The following ROR2 variants were observed in gnomAD, a reference collection of about 807,000 sequenced individuals.
ROR2 encodes tyrosine-protein kinase transmembrane receptor ROR2.
ROR2 carries 33 observed loss-of-function variants against 74.9 expected under a neutral mutation model. That is an observed-to-expected ratio of 0.44 (90% CI 0.33 to 0.59). The LOEUF (loss-of-function observed/expected upper bound fraction) is 0.59. Ranked by LOEUF, ROR2 falls within the 20% of genes least tolerant of loss-of-function variation. ROR2 has a pLI of 0.02. For missense variants in ROR2, 1,216 were observed against 1,313.8 expected, an observed-to-expected ratio of 0.93 and a Z score of 1.15; for synonymous variants, 586 against 558.7, an observed-to-expected ratio of 1.05 and a Z score of -0.69.
intron 1 of ROR2, among the ~76,000 whole-genome samples, chr9:91,826,917 G>T (rs1212984245): frequency 6.6e-6 from 1 of 152,212 alleles, no homozygotes; most frequent in East Asian, 1.9e-4. Context: ...TTATTAAAAT[G>T]CAAGTCAGCT....
chr9:91,788,258 C>T (rs1249845070), intron 1 of ROR2, among the ~76,000 whole-genome samples: 1 of 151,130 alleles, frequency 6.6e-6, no homozygotes, highest in Non-Finnish European at 1.5e-5. Flanking sequence ...TAATAGGAGT[C>T]CAGTAAGAGA....
At chr9:91,830,809 C>CGT (rs34963566) in intron 1 of ROR2, among the ~76,000 whole-genome samples, 17,492 of 139,486 alleles carry the variant, frequency 0.13, 1,145 homozygotes, top group East Asian at 0.19. Flanking sequence ...TAACTGTGTC[C>CGT]GTGTGTGTGT....
intron 1 of ROR2, among the ~76,000 whole-genome samples, chr9:91,861,971 T>C (rs1373685967): frequency 1.3e-5 from 2 of 152,046 alleles, no homozygotes; most frequent in African/African-American, 4.8e-5. Flanking sequence ...TGGAAGTCAT[T>C]AGGTTTTAGA....
At chr9:91,855,300 G>C (rs557223215) in intron 1 of ROR2, among the ~76,000 whole-genome samples, 4 of 152,310 alleles carry the variant, frequency 2.6e-5, no homozygotes, top group Admixed American at 2.6e-4. Flanking sequence ...AGAAAGCCCA[G>C]GCCCTGCAAC....
At chr9:91,866,490 T>A (rs1335567140) in intron 1 of ROR2, among the ~76,000 whole-genome samples, 1 of 146,316 alleles carries the variant, frequency 6.8e-6, no homozygotes, top group East Asian at 2.0e-4. Context: ...TGATCTTGGC[T>A]CACTGCAACC....
intron 8 of ROR2, among the ~76,000 whole-genome samples, chr9:91,726,312 G>C (rs1349286989): frequency 6.6e-6 from 1 of 152,104 alleles, no homozygotes; most frequent in Non-Finnish European, 1.5e-5. Context: ...GGCAGAAGGA[G>C]GCCCATGGAC....
intron 1 of ROR2, among the ~76,000 whole-genome samples, chr9:91,810,057 C>T (rs2841693): frequency 0.025 from 3,753 of 152,344 alleles, 90 homozygotes; most frequent in South Asian, 0.044. Flanking sequence ...CCCCCAGTCC[C>T]GCCCTTCAGA....
intron 1 of ROR2, among the ~76,000 whole-genome samples, chr9:91,779,368 CTTTTTT>C (rs57414414): frequency 0.25 from 33,403 of 133,676 alleles, 4,039 homozygotes; most frequent in Middle Eastern, 0.37. Flanking sequence ...TTATACTTTT[CTTTTTT>C]TTTTTTTTTT....
intron 7 of ROR2, among the ~76,000 whole-genome samples, chr9:91,727,318 C>T (rs190294939): frequency 2.3e-4 from 35 of 152,178 alleles, no homozygotes; most frequent in African/African-American, 8.2e-4. Context: ...TGCTCTTGAC[C>T]CAATACAATA....
intron 1 of ROR2, among the ~76,000 whole-genome samples, chr9:91,846,313 A>C (rs1411216035): frequency 6.6e-6 from 1 of 152,160 alleles, no homozygotes; most frequent in African/African-American, 2.4e-5. Context: ...AAAGGGACAA[A>C]AGGGAGCTTC....
chr9:91,810,418 T>G (rs1249790352), intron 1 of ROR2, among the ~76,000 whole-genome samples: 1 of 152,136 alleles, frequency 6.6e-6, no homozygotes, highest in Non-Finnish European at 1.5e-5. Flanking sequence ...CGGGTGCGGT[T>G]TTGCCTTCTG....
chr9:91,773,720 T>A (rs1219877367), intron 2 of ROR2, among the ~76,000 whole-genome samples: 4 of 152,096 alleles, frequency 2.6e-5, no homozygotes, highest in African/African-American at 9.7e-5. Context: ...AAGCCAGGCA[T>A]CTCCCCTGCG....
At chr9:91,928,501 C>T (rs1244540308) in intron 1 of ROR2, among the ~76,000 whole-genome samples, 1 of 152,174 alleles carries the variant, frequency 6.6e-6, no homozygotes, top group Non-Finnish European at 1.5e-5. Flanking sequence ...GTGGGCTCAC[C>T]GCTGACCCTG....
At chr9:91,916,854 C>T (rs548809480) in intron 1 of ROR2, among the ~76,000 whole-genome samples, 25 of 152,214 alleles carry the variant, frequency 1.6e-4, no homozygotes, top group Admixed American at 1.2e-3. Flanking sequence ...TGAAGTCGGC[C>T]ACCAACATGG....
chr9:91,928,980 C>G (rs1466090952), intron 1 of ROR2, among the ~76,000 whole-genome samples: 1 of 152,222 alleles, frequency 6.6e-6, no homozygotes, highest in African/African-American at 2.4e-5. Flanking sequence ...GAAAACCAGC[C>G]ATGCCTGCAC....
chr9:91,949,438 CG>C (rs937654175), intron 1 of ROR2, among the ~76,000 whole-genome samples: 1 of 151,938 alleles, frequency 6.6e-6, no homozygotes, highest in Non-Finnish European at 1.5e-5. Flanking sequence ...CCGAGACAGA[CG>C]GGGGACACTC....
At chr9:91,924,331 G>A (rs575795542) in intron 1 of ROR2, among the ~76,000 whole-genome samples, 2 of 152,376 alleles carry the variant, frequency 1.3e-5, no homozygotes, top group East Asian at 3.9e-4. Flanking sequence ...GAGGACTGGA[G>A]GAAGGTGTCC....
At chr9:91,880,201 TGTGAAGACACAGG>T (rs985833603) in intron 1 of ROR2, among the ~76,000 whole-genome samples, 1 of 152,066 alleles carries the variant, frequency 6.6e-6, no homozygotes, top group African/African-American at 2.4e-5. Context: ...AGGATGACCA[TGTGAAGACACAGG>T]GTGAAGACAC....
At chr9:91,880,443 T>C (rs1830077443) in intron 1 of ROR2, among the ~76,000 whole-genome samples, 1 of 152,214 alleles carries the variant, frequency 6.6e-6, no homozygotes, top group Non-Finnish European at 1.5e-5. Context: ...CAAAGCAGGA[T>C]TATAACCCAC....
Sources: allele counts gnomAD v4.1 joint callset (sites outside exome capture counted in the v4.1 genomes callset), GRCh38; gene constraint gnomAD v4.1.1; transcripts MANE v1.5; gene names NCBI Gene and HGNC (gene_info 2026-07-23, HGNC 2026-07-21).